The following FNDC3A variants were observed in gnomAD, a reference collection of about 807,000 sequenced individuals.
FNDC3A encodes the protein fibronectin type-III domain-containing protein 3A.
A neutral mutation model predicts 148.9 loss-of-function variants in FNDC3A; 32 were observed. The ratio of observed to expected loss-of-function variants is 0.21; its 90% CI spans 0.16 to 0.29. FNDC3A has a LOEUF of 0.29. Among genes scored for constraint, FNDC3A ranks in the 10% least tolerant of loss-of-function variants. The pLI is 1.00. For missense variants in FNDC3A, 1,191 were observed against 1,452.8 expected (o/e 0.82, Z 2.93); for synonymous variants, 472 against 473.6 (o/e 1.00, Z 0.04).
intron 6 of FNDC3A, among the ~76,000 whole-genome samples, chr13:49,137,805 G>A (rs541014678): frequency 2.2e-4 from 34 of 152,250 alleles, no homozygotes; most frequent in African/African-American, 7.9e-4. Flanking sequence ...GATTAATGTA[G>A]TTTCTATATG....
intron 25 of FNDC3A, among the ~76,000 whole-genome samples, chr13:49,205,136 G>T (rs1886591297): frequency 6.6e-6 from 1 of 152,118 alleles, no homozygotes; most frequent in Admixed American, 6.5e-5. Context: ...CACACCTACA[G>T]TGGTCCCTTT....
chr13:49,084,475 T>G (rs1878676288), intron 3 of FNDC3A, among the ~76,000 whole-genome samples: 1 of 152,230 alleles, frequency 6.6e-6, no homozygotes, highest in Non-Finnish European at 1.5e-5. Flanking sequence ...ATTATACAGT[T>G]ATATGAAAAT....
chr13:49,185,788 A>G (rs1427807844), intron 14 of FNDC3A, among the ~76,000 whole-genome samples, 176 bp from the exon 15 acceptor site: 1 of 152,226 alleles, frequency 6.6e-6, no homozygotes, highest in Non-Finnish European at 1.5e-5. Context: ...CATACTCTTC[A>G]TATATGCCAA....
chr13:49,050,009 G>A (rs559838083), intron 2 of FNDC3A, among the ~76,000 whole-genome samples: 24 of 152,186 alleles, frequency 1.6e-4, no homozygotes, highest in East Asian at 9.7e-4. Flanking sequence ...CGTGAGCCAC[G>A]GCGAACAGCC....
In FNDC3A at chr13:49,158,219, CGTG is replaced by C. The variant is rs914424748; in HGVS notation, c.978-9021_978-9019del. ...CCGAGCCAGGTGCAGGATATAATCTCGTGGTGCGCCGTTTTTTAAGCCGGTCGG... is the reference window on the plus strand; with the variant it reads ...CCGAGCCAGGTGCAGGATATAATCTCGTGCGCCGTTTTTTAAGCCGGTCGG... On this transcript the variant is annotated intron_variant, in intron 8 of 25. Transcript: ENST00000492622. Among the ~76,000 whole-genome samples, 20 of 152,322 alleles carry C rather than the reference CGTG, an allele frequency of 1.3e-4. No individual in the cohort carries two copies. The South Asian group carries it at 1.7e-3, about 13-fold the overall frequency.
At chr13:48,992,478 A>G (rs1292436552) in intron 1 of FNDC3A, among the ~76,000 whole-genome samples, 1 of 152,214 alleles carries the variant, frequency 6.6e-6, no homozygotes, top group Non-Finnish European at 1.5e-5. Flanking sequence ...AATGGACAAA[A>G]TAATCCAACA....
At chr13:49,002,319 G>T (rs1361073218) in intron 1 of FNDC3A, among the ~76,000 whole-genome samples, 1 of 152,062 alleles carries the variant, frequency 6.6e-6, no homozygotes, top group Non-Finnish European at 1.5e-5. Context: ...CCTTTATTAT[G>T]TTGAGGTATA....
At chr13:49,044,876 T>G in intron 2 of FNDC3A, 1 of 310,072 alleles carries the variant, frequency 3.2e-6, no homozygotes. Context: ...TGATTGTTCT[T>G]GGCAATGAGC....
At position 49,197,008 on chromosome 13, in the gene FNDC3A, G is replaced by T; in HGVS notation, c.2340+18G>T. ...ATTGGGAGGTATTGTAATTTCCATT[G>T]ACTTGTATCTACTTTCTTAAGTGAA... On this transcript the variant is annotated intron_variant, in intron 20 of 25. Coordinates refer to ENST00000492622, the MANE Select transcript of FNDC3A (RefSeq NM_001079673.2). The T allele has an allele frequency of 7.1e-7, 1 of 1,399,920 alleles. No homozygotes were observed. The highest frequency in any genetic ancestry group is 1.2e-5 in the South Asian group (1 of 83,240). The allele number at this position is 1,399,920 out of a possible 1,614,324, so 86.7% of individuals were successfully genotyped here.
rs556588146 is a variant in FNDC3A at position 49,129,082 on chromosome 13, C to T, written c.253-2055C>T. On this transcript the variant is annotated intron_variant, in intron 4 of 25. Coordinates refer to ENST00000492622, the MANE Select transcript of FNDC3A (RefSeq NM_001079673.2). ...TGCCCCTGTTAGTGTGGGTTCCCCA[C>T]AAATATTTAATATATCATTCTGAGG... 7.9e-5 allele frequency among the ~76,000 whole-genome samples: 12 copies of T among 152,308 alleles called. No individual in the cohort carries two copies. The South Asian group carries it at 1.2e-3, about 16-fold the overall frequency.
intron 2 of FNDC3A, among the ~76,000 whole-genome samples, chr13:49,014,653 T>C (rs2137622389): frequency 6.7e-6 from 1 of 149,680 alleles, no homozygotes; most frequent in Middle Eastern, 3.4e-3. Flanking sequence ...TTTTGGTGTT[T>C]TAGACATGAA....
chr13:49,178,212 G>A (rs956988976), intron 13 of FNDC3A, among the ~76,000 whole-genome samples: 1 of 152,112 alleles, frequency 6.6e-6, no homozygotes, highest in African/African-American at 2.4e-5. Context: ...GTTCTATTCA[G>A]CTCTTGCACG....
intron 2 of FNDC3A, among the ~76,000 whole-genome samples, chr13:49,072,382 TAAAAA>T (rs142261810): frequency 6.6e-6 from 1 of 151,106 alleles, no homozygotes; most frequent in African/African-American, 2.4e-5. Context: ...GTTAAAAAGT[TAAAAA>T]AAAAGAAAAT....
chr13:48,982,087 G>C (rs565216996), intron 1 of FNDC3A, among the ~76,000 whole-genome samples: 5 of 151,958 alleles, frequency 3.3e-5, no homozygotes, highest in African/African-American at 1.2e-4. Context: ...AAGTAATTAC[G>C]TGCTTTGCTT....
At chr13:49,068,491 G>A (rs774214976) in intron 2 of FNDC3A, among the ~76,000 whole-genome samples, 37 of 151,954 alleles carry the variant, frequency 2.4e-4, no homozygotes, top group Admixed American at 8.5e-4. Flanking sequence ...CCATTGTGGC[G>A]ATTCCTCAAA....
chr13:49,039,623 A>G (rs184202743), intron 2 of FNDC3A, among the ~76,000 whole-genome samples: 1 of 152,260 alleles, frequency 6.6e-6, no homozygotes, highest in Admixed American at 6.5e-5. Flanking sequence ...ATTTTGCTGT[A>G]TTTTTGTAGT....
At chr13:49,022,862 G>T (rs1191933604) in intron 2 of FNDC3A, among the ~76,000 whole-genome samples, 1 of 151,890 alleles carries the variant, frequency 6.6e-6, no homozygotes, top group Non-Finnish European at 1.5e-5. Flanking sequence ...AAATATTTTT[G>T]AAAAATTCTA....
intron 19 of FNDC3A, among the ~76,000 whole-genome samples, chr13:49,193,050 C>T (rs1885966587): frequency 6.6e-6 from 1 of 152,056 alleles, no homozygotes; most frequent in Non-Finnish European, 1.5e-5. Flanking sequence ...TTTTTAATCC[C>T]TATAGGACTT....
chr13:49,178,749 T>TG, intron 14 of FNDC3A, 95 bp downstream of exon 14: 1 of 693,750 alleles, frequency 1.4e-6, no homozygotes. Context: ...TTTGTTTGTT[T>TG]TTTGAGACGG....
Sources: allele counts gnomAD v4.1 joint callset (sites outside exome capture counted in the v4.1 genomes callset), GRCh38; gene constraint gnomAD v4.1.1; transcripts MANE v1.5; gene names NCBI Gene and HGNC (gene_info 2026-07-23, HGNC 2026-07-21).